The following CRMP1 variants were observed in gnomAD, a reference collection of about 807,000 sequenced individuals.
CRMP1 encodes collapsin response mediator protein 1.
CRMP1 carries 19 observed loss-of-function variants against 68.3 expected under a neutral mutation model. The observed-to-expected ratio is 0.28, with a 90% confidence interval of 0.19 to 0.41. CRMP1 has a LOEUF of 0.41. Ranked by LOEUF, CRMP1 falls within the 10% of genes least tolerant of loss-of-function variation. CRMP1 has a pLI of 1.00. For synonymous variants in CRMP1, 439 were observed against 399.6 expected, an observed-to-expected ratio of 1.10 and a Z score of -1.18; for missense variants, 791 against 967.4, an observed-to-expected ratio of 0.82 and a Z score of 2.42.
chr4:5,837,687 TA>T (rs1260846420), intron 9 of CRMP1, among the ~76,000 whole-genome samples: 54 of 149,162 alleles, frequency 3.6e-4, no homozygotes, highest in African/African-American at 1.3e-3. Flanking sequence ...ATAAATAAAA[TA>T]AAATAAAATA....
Position 5,861,304 on chromosome 4 carries a change from T to C in CRMP1, c.471-94A>G, listed in dbSNP as rs1713531405. ...TTCAGTTCCATGAAATAAACATTTC[T>C]GAGCCAGGCCCTTCACAAGGCCCTG... is the stretch of plus-strand genomic sequence containing the variant. On this transcript the variant is annotated intron_variant, in intron 2 of 13. Transcript: ENST00000324989. The surrounding 1 kb of genome is among the most constrained non-coding windows in gnomAD (Gnocchi z 6.0). 7.4e-7 allele frequency: 1 copy of C among 1,346,632 alleles called. No homozygotes were observed. Among genetic ancestry groups the C allele is most frequent in the South Asian group, 1.3e-5 (1 of 74,644 alleles). The allele number at this position is 1,346,632 out of a possible 1,614,324, so 83.4% of individuals were successfully genotyped here.
chr4:5,888,454 C>A lies in CRMP1; in HGVS notation c.381+4135G>T. On this transcript the variant is annotated intron_variant, in intron 1 of 13. Transcript: ENST00000324989. The surrounding 1 kb of genome is among the most constrained non-coding windows in gnomAD (Gnocchi z 6.4). Reference sequence around the variant, plus strand: ...CGGCTGCTCGGCCCGCCCGCCGCCGCTCCGGCTGCCAGCACCGCCCGGATC... The same window carrying A: ...CGGCTGCTCGGCCCGCCCGCCGCCGATCCGGCTGCCAGCACCGCCCGGATC... 1 of 1,213,810 alleles carries A rather than the reference C, an allele frequency of 8.2e-7. No homozygotes were observed. Among genetic ancestry groups the A allele is most frequent in the Non-Finnish European group, 1.0e-6 (1 of 976,762 alleles). The allele number at this position is 1,213,810 out of a possible 1,614,324, so 75.2% of individuals were successfully genotyped here. A position where few individuals can be genotyped will look rare whatever the true frequency, so the allele number is the denominator to read the frequency against.
intron 1 of CRMP1, among the ~76,000 whole-genome samples, chr4:5,869,574 CTCAGGAGGCTGAG>C: frequency 1.3e-5 from 2 of 151,158 alleles, no homozygotes; most frequent in East Asian, 3.9e-4. Context: ...GTCCCAGCTA[CTCAGGAGGCTGAG>C]GCAGGAGAAT....
In CRMP1 at chr4:5,838,533, G is replaced by A. The variant is rs1720877733; in HGVS notation, c.1310+989C>T. On this transcript the variant is annotated intron_variant, in intron 9 of 13. Coordinates refer to ENST00000324989, the MANE Select transcript of CRMP1 (RefSeq NM_001014809.3). This position sits in a 1 kb window ranked among gnomAD's most constrained non-coding sequence, Gnocchi z 4.9. ...GAGCCAGGATGGCCACAGCAGACAG[G>A]TGAGGCGTTGTCAGACTCTAGGGCC... Among the ~76,000 whole-genome samples, 1 of 152,298 alleles carries A rather than the reference G, an allele frequency of 6.6e-6. No individual in the cohort carries two copies. Among genetic ancestry groups the A allele is most frequent in the South Asian group, 2.1e-4 (1 of 4,824 alleles).
intron 9 of CRMP1, among the ~76,000 whole-genome samples, chr4:5,837,338 G>C (rs1045029336): frequency 6.6e-6 from 1 of 151,800 alleles, no homozygotes; most frequent in African/African-American, 2.4e-5. Context: ...ACAATAAAAT[G>C]AATGGACCAG....
rs73797945 is a variant in CRMP1 at position 5,875,461 on chromosome 4, C to T, written c.382-8705G>A. 1.6e-3 allele frequency among the ~76,000 whole-genome samples: 247 copies of T among 150,766 alleles called. 2 individuals carry two copies. The highest frequency in any genetic ancestry group is 5.8e-3 in the African/African-American group (239 of 41,106). ...ATCCAATCAACCTCTATCCAAAAAT[C>T]ACTGGTTTAGCAACCTTGGCTATCT... On this transcript the variant is annotated intron_variant, in intron 1 of 13. Transcript: ENST00000324989.
chr4:5,886,932 T>C (rs1715634517), intron 1 of CRMP1, among the ~76,000 whole-genome samples: 1 of 152,120 alleles, frequency 6.6e-6, no homozygotes, highest in Non-Finnish European at 1.5e-5. Flanking sequence ...ACCCTCTGGA[T>C]GGGGGCTTGG....
chr4:5,826,687 A>C (rs1276868741), intron 12 of CRMP1: 1 of 152,250 alleles, frequency 6.6e-6, no homozygotes, highest in East Asian at 1.9e-4. Context: ...GTGTTCAGGG[A>C]CCTGTACAGG....
Position 5,877,426 on chromosome 4 carries a change from C to G in CRMP1, c.382-10670G>C, listed in dbSNP as rs1208582343. On this transcript the variant is annotated intron_variant, in intron 1 of 13. Coordinates refer to ENST00000324989, the MANE Select transcript of CRMP1 (RefSeq NM_001014809.3). This position sits in a 1 kb window ranked among gnomAD's most constrained non-coding sequence, Gnocchi z 4.3. ...CCCTACCTTGAATAACCAGAGCCTTCCCCTTGAGCAAGCTCCCCACTCTGG... is the reference window on the plus strand; with the variant it reads ...CCCTACCTTGAATAACCAGAGCCTTGCCCTTGAGCAAGCTCCCCACTCTGG... Among the ~76,000 whole-genome samples, 2 of 152,212 alleles carry G rather than the reference C, an allele frequency of 1.3e-5. No individual in the cohort carries two copies. The highest frequency in any genetic ancestry group is 2.1e-4 in the South Asian group (1 of 4,834).
At chr4:5,828,350 A>G in intron 12 of CRMP1, 139 bp downstream of exon 12, 1 of 1,434,186 alleles carries the variant, frequency 7.0e-7, no homozygotes, top group Non-Finnish European at 9.1e-7. Flanking sequence ...CAGCGTCTCA[A>G]CCCATTTAAC....
At position 5,839,589 on chromosome 4, in the gene CRMP1, ACGC is replaced by A; in HGVS notation, c.1240_1242del (p.Ala414del). The A allele has an allele frequency of 1.2e-6, 2 of 1,612,758 alleles. No individual in the cohort carries two copies. The highest frequency in any genetic ancestry group is 8.5e-7 in the Non-Finnish European group (1 of 1,179,412). ...GGGCTCAGGGGAGGGGAAGTCACGA[ACGC>A]CGCAGCCTTGGCCCAGTTCTTGCTC... On this transcript the variant is annotated inframe_deletion, in exon 9 of 14. Transcript: ENST00000324989.
intron 3 of CRMP1, among the ~76,000 whole-genome samples, chr4:5,857,783 C>T (rs10030434): frequency 0.75 from 113,361 of 152,010 alleles, 42,599 homozygotes; most frequent in East Asian, 0.79. Context: ...TCCTTTGGCA[C>T]AGAATGCCAA....
In CRMP1 at chr4:5,888,574, C is replaced by T; in HGVS notation, c.381+4015G>A. On this transcript the variant is annotated intron_variant, in intron 1 of 13. Transcript: ENST00000324989. This position sits in a 1 kb window ranked among gnomAD's most constrained non-coding sequence, Gnocchi z 6.4. Reference sequence around the variant, plus strand: ...CGGCGGCGCGGAGCGAAGCCGGATTCGCCCCTCTCGGCTCGAACCAGGAAG... The same window carrying T: ...CGGCGGCGCGGAGCGAAGCCGGATTTGCCCCTCTCGGCTCGAACCAGGAAG... 9.1e-7 allele frequency: 1 copy of T among 1,097,936 alleles called. No homozygotes were observed. The allele number at this position is 1,097,936 out of a possible 1,614,324, so 68.0% of individuals were successfully genotyped here.
In CRMP1 at chr4:5,828,531, C is replaced by T. The variant is rs1197815711; in HGVS notation, c.1761G>A (p.Ala587=). Residue 587 remains alanine (A), a synonymous_variant, in exon 12 of 14, where the codon GCG becomes GCA. Transcript: ENST00000324989. ...KGMGRFIPRK[A]FPEHLYQRVK... Reference sequence around the variant, plus strand: ...CGCGCTGGTACAGGTGCTCCGGGAACGCCTTCCGCGGAATGAAGCGGCCCA... The same window carrying T: ...CGCGCTGGTACAGGTGCTCCGGGAATGCCTTCCGCGGAATGAAGCGGCCCA... The T allele has an allele frequency of 6.2e-6, 10 of 1,614,116 alleles. No individual in the cohort carries two copies. The highest frequency in any genetic ancestry group is 3.3e-5 in the Admixed American group (2 of 60,008).
At position 5,821,943 on chromosome 4, in the gene CRMP1, C is replaced by CCTTAGCAGAAGTCG; in HGVS notation, c.1970-93_1970-92insCGACTTCTGCTAAG. 46 of 1,141,502 alleles carry CCTTAGCAGAAGTCG rather than the reference C, an allele frequency of 4.0e-5. No homozygotes were observed. Among genetic ancestry groups the CCTTAGCAGAAGTCG allele is most frequent in the Non-Finnish European group, 4.7e-5 (38 of 805,178 alleles). 70.7% of individuals were successfully genotyped at this position (1,141,502 alleles called of 1,614,324 possible). A position where few individuals can be genotyped will look rare whatever the true frequency, so the allele number is the denominator to read the frequency against. ...GCCATGTACTCTGCCATGCACTCCA[C>CCTTAGCAGAAGTCG]TGGACCCACCTTCATTCAGGGCTCA... On this transcript the variant is annotated intron_variant, in intron 13 of 13. Transcript: ENST00000324989. The surrounding 1 kb of genome is among the most constrained non-coding windows in gnomAD (Gnocchi z 4.4).
intron 1 of CRMP1, among the ~76,000 whole-genome samples, chr4:5,874,155 A>G (rs1318057268): frequency 2.6e-5 from 4 of 152,320 alleles, no homozygotes; most frequent in Non-Finnish European, 5.9e-5. Context: ...TCTAGAAAAT[A>G]TCCAAAACAG....
rs71171489 is a variant in CRMP1, at chr4:5,842,428, CAAAAAAA to C, written c.1032+658_1032+664del. Among the ~76,000 whole-genome samples the C allele has an allele frequency of 2.0e-5, 2 of 99,102 alleles. No individual in the cohort carries two copies. Among genetic ancestry groups the C allele is most frequent in the African/African-American group, 3.6e-5 (1 of 27,942 alleles). The allele number at this position is 99,102 out of a possible 152,430, so 65.0% of individuals were successfully genotyped here. A position where few individuals can be genotyped will look rare whatever the true frequency, so the allele number is the denominator to read the frequency against. Reference sequence around the variant, plus strand: ...TGGGCAACAGAGAGAGACTCCATCTCAAAAAAAAAAAAAAAAAAAGAAAAGAAAGAAA... The same window carrying C: ...TGGGCAACAGAGAGAGACTCCATCTCAAAAAAAAAAAAGAAAAGAAAGAAA... On this transcript the variant is annotated intron_variant, in intron 7 of 13. Transcript: ENST00000324989. The surrounding 1 kb of genome is among the most constrained non-coding windows in gnomAD (Gnocchi z 4.5).
At chr4:5,832,252 C>G (rs1319515245) in intron 11 of CRMP1, among the ~76,000 whole-genome samples, 1 of 152,192 alleles carries the variant, frequency 6.6e-6, no homozygotes, top group Non-Finnish European at 1.5e-5. Context: ...TATGATTGTA[C>G]AACCTTCTCA....
At position 5,825,356 on chromosome 4, in the gene CRMP1, G is replaced by T; in HGVS notation, c.1969+138C>A. ...CACTCTGCCCCACCAGTGAGAGCAGGCTCGGGTGGGGCACACTCCCTTCCC... is the reference window on the plus strand; with the variant it reads ...CACTCTGCCCCACCAGTGAGAGCAGTCTCGGGTGGGGCACACTCCCTTCCC... On this transcript the variant is annotated intron_variant, in intron 13 of 13. Coordinates refer to ENST00000324989, the MANE Select transcript of CRMP1 (RefSeq NM_001014809.3). The surrounding 1 kb of genome is among the most constrained non-coding windows in gnomAD (Gnocchi z 4.4). 2 of 1,428,736 alleles carry T rather than the reference G, an allele frequency of 1.4e-6. No individual in the cohort carries two copies. Among genetic ancestry groups the T allele is most frequent in the Non-Finnish European group, 1.8e-6 (2 of 1,099,470 alleles). 88.5% of individuals were successfully genotyped at this position (1,428,736 alleles called of 1,614,324 possible).
Sources: allele counts gnomAD v4.1 joint callset (sites outside exome capture counted in the v4.1 genomes callset), GRCh38; gene constraint gnomAD v4.1.1; non-coding constraint Gnocchi (gnomAD v3.1); transcripts MANE v1.5; gene names NCBI Gene and HGNC (gene_info 2026-07-23, HGNC 2026-07-21).